The following OS9 variants were observed in gnomAD, a reference collection of about 807,000 sequenced individuals.
The protein encoded by OS9 is OS9 endoplasmic reticulum lectin.
A neutral mutation model predicts 84.7 loss-of-function variants in OS9; 58 were observed. The observed-to-expected ratio is 0.68, with a 90% CI of 0.55 to 0.85. The LOEUF is 0.85. Among genes scored for constraint, OS9 ranks in the 40% least tolerant of loss-of-function variants. OS9 has a pLI of 0.00. For missense variants in OS9, 760 were observed against 850.9 expected, an observed-to-expected ratio of 0.89 and a Z score of 1.33; for synonymous variants, 278 against 320.8, an observed-to-expected ratio of 0.87 and a Z score of 1.43.
intron 5 of OS9, 47 bp downstream of exon 5, chr12:57,696,420 G>C: frequency 1.6e-6 from 1 of 635,376 alleles, no homozygotes; most frequent in African/African-American, 2.1e-5. Flanking sequence ...GGACAGTTCA[G>C]ATTCTAAGGG....
rs1027257343 is a variant in OS9, at chr12:57,715,876, C to T, written c.696C>T (p.Leu232=). 3 of 1,613,548 alleles carry T rather than the reference C, an allele frequency of 1.9e-6. No individual in the cohort carries two copies. Among genetic ancestry groups the T allele is most frequent in the Non-Finnish European group, 2.5e-6 (3 of 1,179,692 alleles). ...IRTPRLCPHP[L]LRPPPSAAPQ... ...CTCCTCGGCTCTGCCCCCACCCTCT[C>T]CTCCGGCCCCCACCCAGTGCTGCAC... The change falls in exon 6 of 15, where the codon CTC becomes CTT. Residue 232 remains leucine, a synonymous_variant. Transcript: ENST00000315970.
At chr12:57,718,001 C>A (rs139677803) in intron 10 of OS9, 43 bp downstream of exon 10, 1 of 1,560,548 alleles carries the variant, frequency 6.4e-7, no homozygotes, top group African/African-American at 1.4e-5. Context: ...CACCTCCCAA[C>A]TGCGAGCATT....
intron 5 of OS9, among the ~76,000 whole-genome samples, chr12:57,711,677 T>C (rs896606247): frequency 6.6e-6 from 1 of 152,232 alleles, no homozygotes. Flanking sequence ...TAAAATTCCA[T>C]TGTGTGTTCC....
chr12:57,709,963 G>A (rs1283845573), intron 5 of OS9, among the ~76,000 whole-genome samples: 2 of 151,614 alleles, frequency 1.3e-5, no homozygotes, highest in South Asian at 2.1e-4. Flanking sequence ...AGAGATTCTC[G>A]TGCGTCAGCC....
chr12:57,719,163 C>T lies in OS9; in HGVS notation c.1581C>T (p.Pro527=), dbSNP rs563583201. ...KKKRVVPKKP[P]PSPQPTEEDP... Reference sequence around the variant, plus strand: ...AGAGGGTTGTCCCCAAAAAGCCTCCCCCATCACCCCAACCTACAGGTGAGA... The same window carrying T: ...AGAGGGTTGTCCCCAAAAAGCCTCCTCCATCACCCCAACCTACAGGTGAGA... Residue 527 remains proline (P), a synonymous_variant, in exon 12 of 15, where the codon CCC becomes CCT. Transcript: ENST00000315970. 6.2e-7 allele frequency: 1 copy of T among 1,614,070 alleles called. No individual in the cohort carries two copies. Among genetic ancestry groups the T allele is most frequent in the Admixed American group, 1.7e-5 (1 of 60,004 alleles).
intron 5 of OS9, among the ~76,000 whole-genome samples, chr12:57,712,891 T>C (rs1269844448): frequency 6.6e-6 from 1 of 151,988 alleles, no homozygotes; most frequent in Non-Finnish European, 1.5e-5. Context: ...TTCATGAATT[T>C]GTTAAGCCAT....
chr12:57,709,138 C>T (rs553869029), intron 5 of OS9, among the ~76,000 whole-genome samples: 2 of 152,264 alleles, frequency 1.3e-5, no homozygotes, highest in Non-Finnish European at 2.9e-5. Context: ...ATTCTTTGCT[C>T]GTTTTCCTAA....
intron 5 of OS9, among the ~76,000 whole-genome samples, chr12:57,712,393 T>C (rs552502087): frequency 9.2e-5 from 14 of 152,308 alleles, no homozygotes; most frequent in African/African-American, 3.1e-4. Flanking sequence ...AATGAGTATA[T>C]TGTTTAATTT....
rs754126694 is a variant in OS9, at chr12:57,702,166, T to C, written c.579+5793T>C. Among the ~76,000 whole-genome samples the C allele has an allele frequency of 2.0e-5, 3 of 152,212 alleles. No homozygotes were observed. In the East Asian group the frequency reaches 5.8e-4, roughly 29 times the overall value. On this transcript the variant is annotated intron_variant, in intron 5 of 14. Transcript: ENST00000315970. ...ATTCTAACAGTCTTTAAGTGTACAATTCAGTGGAAACATTCAGTGTTCTAT... is the reference window on the plus strand; with the variant it reads ...ATTCTAACAGTCTTTAAGTGTACAACTCAGTGGAAACATTCAGTGTTCTAT...
intron 5 of OS9, among the ~76,000 whole-genome samples, chr12:57,709,762 T>G (rs1954273834): frequency 6.6e-6 from 1 of 152,206 alleles, no homozygotes; most frequent in African/African-American, 2.4e-5. Flanking sequence ...TTAAATAATT[T>G]ATAGGTTTTC....
At chr12:57,702,473 T>C (rs1407773979) in intron 5 of OS9, among the ~76,000 whole-genome samples, 1 of 152,248 alleles carries the variant, frequency 6.6e-6, no homozygotes, top group South Asian at 2.1e-4. Flanking sequence ...TGTTTACCTA[T>C]TTATCAATGG....
chr12:57,720,014 T>C, intron 12 of OS9, 85 bp from the exon 13 acceptor site: 1 of 1,272,562 alleles, frequency 7.9e-7, no homozygotes. Context: ...AGCCAACTGA[T>C]GTTTTAGGGG....
chr12:57,714,839 C>T (rs1446243765), intron 5 of OS9, among the ~76,000 whole-genome samples: 3 of 152,130 alleles, frequency 2.0e-5, no homozygotes, highest in African/African-American at 7.2e-5. Context: ...TCAAGCCATC[C>T]TCCTGCCTTG....
In OS9 at chr12:57,719,065, T is replaced by C; in HGVS notation, c.1483T>C (p.Ser495Pro). Residue 495 changes from serine (S) to proline (P), a missense_variant, in exon 12 of 15, where the codon TCC (serine) becomes CCC (proline). Physicochemically the swap from Ser to Pro is moderately conservative, Grantham distance 74 (BLOSUM62 -1). Coordinates refer to ENST00000315970, the MANE Select transcript of OS9 (RefSeq NM_006812.4). The part of the protein sequence containing the change: ...ERDRAMLALT[S>P]TLNKLIKRLE... ...GGATCGGGCAATGCTGGCTCTCACA[T>C]CCACTCTCAACAAACTCATCAAAAG... 1 of 1,613,932 alleles carries C rather than the reference T, an allele frequency of 6.2e-7. No homozygotes were observed. Among genetic ancestry groups the C allele is most frequent in the Non-Finnish European group, 8.5e-7 (1 of 1,179,928 alleles).
Position 57,694,812 on chromosome 12 carries a change from G to A in OS9, c.225G>A (p.Leu75=). The stretch of plus-strand genomic sequence containing the variant: ...ACAAACAGCGCTATGAGTGTCGCCT[G>A]CCAGCTGGAGCTATTCACTTCCAGC... ...SKYKQRYECR[L]PAGAIHFQRE... The change falls in exon 2 of 15, where the codon CTG becomes CTA. Residue 75 remains leucine, a synonymous_variant. Coordinates refer to ENST00000315970, the MANE Select transcript of OS9 (RefSeq NM_006812.4). 6.2e-7 allele frequency: 1 copy of A among 1,614,064 alleles called. No homozygotes were observed. The highest frequency in any genetic ancestry group is 8.5e-7 in the Non-Finnish European group (1 of 1,179,956).
intron 5 of OS9, among the ~76,000 whole-genome samples, chr12:57,700,051 C>T (rs1016944002): frequency 6.6e-5 from 10 of 151,354 alleles, no homozygotes; most frequent in African/African-American, 9.7e-5. Context: ...GCTGATATCG[C>T]ACCATTGCAC....
Position 57,715,829 on chromosome 12 carries a change from T to C in OS9, c.649T>C (p.Ser217Pro). 6.2e-7 allele frequency: 1 copy of C among 1,613,942 alleles called. No homozygotes were observed. Among genetic ancestry groups the C allele is most frequent in the Non-Finnish European group, 8.5e-7 (1 of 1,179,932 alleles). The change falls in exon 6 of 15, where the codon TCT becomes CCT. Residue 217 changes from serine to proline, a missense_variant. Ser to Pro is a moderately conservative substitution (Grantham distance 74). Transcript: ENST00000315970. ...TCGCGTGGACGAGCCCTTGTCCTGC[T>C]CTTATGTGCTGACCATTCGCACTCC... ...IDRVDEPLSCSYVLTIRTPRL... is the reference protein window; with the variant it reads ...IDRVDEPLSCPYVLTIRTPRL...
At chr12:57,694,461 C>A in intron 1 of OS9, 138 bp downstream of exon 1, 2 of 954,224 alleles carry the variant, frequency 2.1e-6, no homozygotes, top group Non-Finnish European at 3.1e-6. Context: ...ACGGTGACCC[C>A]TGGGGGTCGC....
intron 7 of OS9, 49 bp from the exon 8 acceptor site, chr12:57,716,363 G>A (rs1256232193): frequency 6.8e-7 from 1 of 1,465,604 alleles, no homozygotes; most frequent in East Asian, 2.5e-5. Flanking sequence ...GCTCCCTTCT[G>A]TCTCACCCCT....
Sources: gnomAD v4.1 joint callset for allele counts (sites outside exome capture counted in the v4.1 genomes callset) on GRCh38, gnomAD v4.1.1 for gene constraint, MANE v1.5 for transcripts, NCBI Gene and HGNC (gene_info 2026-07-23, HGNC 2026-07-21) for gene names.